The following CCDC18 variants were observed in gnomAD, a reference collection of about 807,000 sequenced individuals.
The protein encoded by CCDC18 is coiled-coil domain-containing protein 18.
In CCDC18, 157 loss-of-function variants were observed where a neutral mutation model predicts 196.0. That is an observed-to-expected ratio of 0.80 (90% CI 0.70 to 0.91). The LOEUF is 0.91. Ranked by LOEUF, CCDC18 falls within the 40% of genes least tolerant of loss-of-function variation. CCDC18 has a pLI of 0.00. For missense variants in CCDC18, 1,465 were observed against 1,611.6 expected (o/e 0.91, Z 1.56); for synonymous variants, 482 against 529.2 (o/e 0.91, Z 1.22).
Position 93,210,807 on chromosome 1 carries a change from AAG to A in CCDC18, c.1219_1220del (p.Glu407IlefsTer5). ...EKIISQLPLK[R>X]ELFGFKSYLS... ...GTTTGTTTTTAAACTTGCAGTTAAA[AAG>A]AGAATTATTTGGCTTTAAATCATAT... On this transcript the variant is annotated frameshift_variant, in exon 10 of 29. Transcript: ENST00000690025. LOFTEE classifies it high-confidence loss of function. The A allele has an allele frequency of 6.3e-7, 1 of 1,593,046 alleles. No individual in the cohort carries two copies. Among genetic ancestry groups the A allele is most frequent in the Non-Finnish European group, 8.6e-7 (1 of 1,161,650 alleles).
At chr1:93,215,827 A>G (rs1656396925) in intron 12 of CCDC18, among the ~76,000 whole-genome samples, 1 of 152,126 alleles carries the variant, frequency 6.6e-6, no homozygotes, top group African/African-American at 2.4e-5. Context: ...ACTGCATGTA[A>G]ACCTGAAACA....
In CCDC18 at chr1:93,207,283, G is replaced by A. The variant is rs201200084; in HGVS notation, c.1094G>A (p.Arg365Gln). Reference sequence around the variant, plus strand: ...AAATTTTCTTTAATGAATGAAAACCGAGAATTAAAGGTCCGTGTTGCAGCA... The same window carrying A: ...AAATTTTCTTTAATGAATGAAAACCAAGAATTAAAGGTCCGTGTTGCAGCA... ...RDKFSLMNEN[R>Q]ELKVRVAAQN... Residue 365 changes from arginine to glutamine, a missense_variant, in exon 9 of 29, where the codon CGA becomes CAA. By Grantham distance (43) the Arg-to-Gln change is conservative (BLOSUM62 1). Coordinates refer to ENST00000690025, the MANE Select transcript of CCDC18 (RefSeq NM_001378204.1). 2.8e-5 allele frequency: 45 copies of A among 1,613,508 alleles called. No individual in the cohort carries two copies. In the African/African-American group the frequency reaches 4.9e-4, roughly 18 times the overall value.
intron 25 of CCDC18, among the ~76,000 whole-genome samples, chr1:93,258,058 T>C (rs1191400605): frequency 6.6e-6 from 1 of 150,674 alleles, no homozygotes; most frequent in African/African-American, 2.4e-5. Flanking sequence ...TAAAAGACAT[T>C]AATTAAAATT....
intron 18 of CCDC18, among the ~76,000 whole-genome samples, chr1:93,234,936 AGTGTGTGTGTGTGT>A (rs3223482): frequency 3.4e-5 from 4 of 119,372 alleles, no homozygotes; most frequent in East Asian, 2.3e-4. Context: ...CCCAGCTAAG[AGTGTGTGTGTGTGT>A]GTGTGTGTGT....
At chr1:93,231,210 T>C (rs1276992509) in intron 17 of CCDC18, among the ~76,000 whole-genome samples, 2 of 152,210 alleles carry the variant, frequency 1.3e-5, no homozygotes, top group Non-Finnish European at 2.9e-5. Flanking sequence ...TAAATTTCCT[T>C]TTGGAATGAT....
intron 1 of CCDC18, among the ~76,000 whole-genome samples, chr1:93,182,834 T>C (rs1649962935): frequency 6.6e-6 from 1 of 152,182 alleles, no homozygotes. Flanking sequence ...AAAATATGAA[T>C]GTAATGATAC....
Position 93,205,634 on chromosome 1 carries a change from A to G in CCDC18, c.917+3A>G. On this transcript the variant is annotated splice_donor_region_variant and intron_variant, in intron 8 of 28. Transcript: ENST00000690025. ...GAAATTCTGAAAGAGAAATTAAGGTACAGTATTCTGTTGTAGAAAAAGGAT... is the reference window on the plus strand; with the variant it reads ...GAAATTCTGAAAGAGAAATTAAGGTGCAGTATTCTGTTGTAGAAAAAGGAT... 1 of 1,587,692 alleles carries G rather than the reference A, an allele frequency of 6.3e-7. No individual in the cohort carries two copies. Among genetic ancestry groups the G allele is most frequent in the South Asian group, 1.2e-5 (1 of 86,690 alleles).
Position 93,205,633 on chromosome 1 carries a change from T to C in CCDC18, c.917+2T>C, listed in dbSNP as rs1289300681. 5 of 1,587,622 alleles carry C rather than the reference T, an allele frequency of 3.1e-6. No individual in the cohort carries two copies. In the East Asian group the frequency reaches 1.1e-4, roughly 36 times the overall value. On this transcript the variant is annotated splice_donor_variant, in intron 8 of 28. Transcript: ENST00000690025. LOFTEE classifies it high-confidence loss of function. Reference sequence around the variant, plus strand: ...TGAAATTCTGAAAGAGAAATTAAGGTACAGTATTCTGTTGTAGAAAAAGGA... The same window carrying C: ...TGAAATTCTGAAAGAGAAATTAAGGCACAGTATTCTGTTGTAGAAAAAGGA...
At chr1:93,255,035 CT>C (rs1662765163) in intron 24 of CCDC18, among the ~76,000 whole-genome samples, 1 of 138,480 alleles carries the variant, frequency 7.2e-6, no homozygotes, top group Non-Finnish European at 1.5e-5. Flanking sequence ...TCACTGCAAC[CT>C]CTGCTTTCCG....
In CCDC18 at chr1:93,239,827, T is replaced by A. The variant is rs1247114353; in HGVS notation, c.2912T>A (p.Val971Glu). The change falls in exon 21 of 29, where the codon GTA (valine) becomes GAA (glutamate). Residue 971 changes from valine to glutamate, a missense_variant. By Grantham distance (121) the Val-to-Glu change is moderately radical (BLOSUM62 -2). Coordinates refer to ENST00000690025, the MANE Select transcript of CCDC18 (RefSeq NM_001378204.1). ...TLRQLQELRD[V>E]LQKAQLSLEE... ...AGACAACTCCAGGAATTGAGAGATG[T>A]ACTACAGAAGGCTCAATTATCATTA... The A allele has an allele frequency of 6.2e-7, 1 of 1,613,426 alleles. No individual in the cohort carries two copies. The highest frequency in any genetic ancestry group is 2.2e-5 in the East Asian group (1 of 44,840).
chr1:93,263,155 T>A (rs552356141), intron 26 of CCDC18, among the ~76,000 whole-genome samples: 4 of 152,230 alleles, frequency 2.6e-5, no homozygotes, highest in African/African-American at 9.6e-5. Context: ...ATATCCAGGC[T>A]TGTGATGGGA....
chr1:93,246,838 G>A lies in CCDC18; in HGVS notation c.3082G>A (p.Val1028Ile), dbSNP rs760422022. ...NWELKQRAAQ[V>I]THLDMTIREH... ...ACAACAGTTTAAGGTTATTTTTTAG[G>A]TTACACATTTGGATATGACTATTCG... is the stretch of plus-strand genomic sequence containing the variant. The change falls in exon 23 of 29, where the codon GTT becomes ATT. Residue 1028 changes from valine (V) to isoleucine (I), a missense_variant and splice_region_variant. Transcript: ENST00000690025. 3.7e-6 allele frequency: 5 copies of A among 1,360,382 alleles called. No homozygotes were observed. The highest frequency in any genetic ancestry group is 3.7e-5 in the Admixed American group (2 of 53,858). The allele number at this position is 1,360,382 out of a possible 1,614,324, so 84.3% of individuals were successfully genotyped here.
chr1:93,205,205 A>G (rs1423899129), intron 7 of CCDC18, among the ~76,000 whole-genome samples: 2 of 152,132 alleles, frequency 1.3e-5, no homozygotes, highest in Admixed American at 1.3e-4. Context: ...TCTCTGGAAT[A>G]TTTGCACTGA....
chr1:93,239,189 T>C (rs1226148404), intron 19 of CCDC18, 121 bp from the exon 20 acceptor site: 9 of 698,354 alleles, frequency 1.3e-5, no homozygotes, highest in Non-Finnish European at 2.1e-5. Context: ...TGATTTAAAA[T>C]TCCAACTAGA....
intron 10 of CCDC18, among the ~76,000 whole-genome samples, chr1:93,211,352 A>G (rs1357486386): frequency 2.0e-5 from 3 of 151,898 alleles, no homozygotes; most frequent in Non-Finnish European, 4.4e-5. Flanking sequence ...TATAACAGGT[A>G]TCTGTGATTC....
chr1:93,274,853 G>C (rs1665543544), intron 28 of CCDC18, among the ~76,000 whole-genome samples: 1 of 152,134 alleles, frequency 6.6e-6, no homozygotes, highest in Non-Finnish European at 1.5e-5. Flanking sequence ...GTAGCCTATT[G>C]TTAAACTTAA....
At chr1:93,180,366 G>A (rs964700201), upstream of CCDC18, 42 of 1,317,114 alleles carry the variant, frequency 3.2e-5, no homozygotes, top group Non-Finnish European at 3.9e-5. Context: ...CCAGGTGGCG[G>A]CCGCGGCGGC....
intron 26 of CCDC18, 89 bp downstream of exon 26, chr1:93,258,974 C>G (rs1663415437): frequency 9.5e-7 from 1 of 1,052,496 alleles, no homozygotes; most frequent in African/African-American, 1.7e-5. Context: ...CTTAAGTGTT[C>G]ATTATTGAAT....
Position 93,207,314 on chromosome 1 carries a change from T to C in CCDC18, c.1125T>C (p.Asn375=). Residue 375 remains asparagine, a synonymous_variant, in exon 9 of 29, where the codon AAT becomes AAC. Transcript: ENST00000690025. Reference sequence around the variant, plus strand: ...TAAAGGTCCGTGTTGCAGCACAGAATGAGCGACTAGATTTATGTCAACAAG... The same window carrying C: ...TAAAGGTCCGTGTTGCAGCACAGAACGAGCGACTAGATTTATGTCAACAAG... ...RELKVRVAAQ[N]ERLDLCQQEI... is the part of the protein sequence containing the mutation. 8.1e-6 allele frequency: 13 copies of C among 1,613,466 alleles called. No individual in the cohort carries two copies. The highest frequency in any genetic ancestry group is 1.1e-5 in the Non-Finnish European group (13 of 1,179,616).
Sources: allele counts gnomAD v4.1 joint callset (sites outside exome capture counted in the v4.1 genomes callset), GRCh38; gene constraint gnomAD v4.1.1; transcripts MANE v1.5; gene names NCBI Gene and HGNC (gene_info 2026-07-23, HGNC 2026-07-21).